The following LINGO2 variants were observed in gnomAD, a reference collection of about 807,000 sequenced individuals.
The protein encoded by LINGO2 is leucine rich repeat and Ig domain containing 2, also known as leucine-rich repeat and immunoglobulin-like domain-containing nogo receptor-interacting protein 2.
In LINGO2, 14 loss-of-function variants were observed where a neutral mutation model predicts 30.6. The observed-to-expected ratio is 0.46, with a 90% CI of 0.30 to 0.72. LINGO2 has a LOEUF of 0.72. LINGO2 is among the 30% of genes least tolerant of loss of function. LINGO2 has a pLI of 0.07. For missense variants in LINGO2, 729 were observed against 751.7 expected (o/e 0.97, Z 0.35); for synonymous variants, 317 against 288.5 (o/e 1.10, Z -1.00).
At chr9:28,026,783 T>C (rs1180929288) in intron 4 of LINGO2, among the ~76,000 whole-genome samples, 2 of 152,254 alleles carry the variant, frequency 1.3e-5, no homozygotes, top group Admixed American at 6.5e-5. Context: ...CCTTATTCTC[T>C]TGGCTACCAT....
chr9:28,745,065 A>C, the LINGO2 span, among the ~76,000 whole-genome samples: 1 of 152,016 alleles, frequency 6.6e-6, no homozygotes, highest in Non-Finnish European at 1.5e-5. Context: ...ATGTATGTTT[A>C]TTTATCCTTG....
intron 1 of LINGO2, among the ~76,000 whole-genome samples, chr9:28,590,493 C>T (rs576061673): frequency 7.9e-5 from 12 of 151,728 alleles, no homozygotes; most frequent in East Asian, 1.9e-4. Flanking sequence ...AAAAAGTGGG[C>T]GAAGGATATG....
chr9:28,528,699 C>A (rs984305821), intron 1 of LINGO2, among the ~76,000 whole-genome samples: 2 of 152,014 alleles, frequency 1.3e-5, no homozygotes, highest in Non-Finnish European at 2.9e-5. Flanking sequence ...TTTGTCCTTA[C>A]TATCTACTAA....
At chr9:28,039,891 C>A (rs1390423589) in intron 4 of LINGO2, among the ~76,000 whole-genome samples, 1 of 152,150 alleles carries the variant, frequency 6.6e-6, no homozygotes. Flanking sequence ...GACCCACCCC[C>A]TTGTGAGATA....
the LINGO2 span, among the ~76,000 whole-genome samples, chr9:28,951,811 T>A: frequency 6.6e-6 from 1 of 152,092 alleles, no homozygotes; most frequent in Non-Finnish European, 1.5e-5. Flanking sequence ...TTTTTCCTCT[T>A]CCAGCTCTCC....
At chr9:28,639,804 C>A (rs545796420) in intron 1 of LINGO2, among the ~76,000 whole-genome samples, 2 of 152,238 alleles carry the variant, frequency 1.3e-5, no homozygotes, top group East Asian at 1.9e-4. Flanking sequence ...TTAATTGGAG[C>A]ATTTAGCCTA....
intron 2 of LINGO2, among the ~76,000 whole-genome samples, chr9:28,446,568 A>G (rs758900285): frequency 6.6e-6 from 1 of 152,054 alleles, no homozygotes; most frequent in African/African-American, 2.4e-5. Context: ...TATAATTTCT[A>G]TTTCCTAAAC....
intron 4 of LINGO2, among the ~76,000 whole-genome samples, chr9:28,061,229 A>T (rs773592784): frequency 1.3e-5 from 2 of 149,600 alleles, no homozygotes; most frequent in Non-Finnish European, 3.0e-5. Context: ...AAATAATCTA[A>T]ATCCTGACTA....
chr9:28,993,819 C>G, the LINGO2 span, among the ~76,000 whole-genome samples: 22 of 152,028 alleles, frequency 1.4e-4, no homozygotes, highest in Non-Finnish European at 2.8e-4. Flanking sequence ...ATTCAACAAC[C>G]CTGCATGCTA....
chr9:28,347,844 G>A (rs147522073), intron 3 of LINGO2, among the ~76,000 whole-genome samples: 29 of 152,270 alleles, frequency 1.9e-4, no homozygotes, highest in African/African-American at 6.7e-4. Context: ...TGCCCTGAGT[G>A]CTGAGTACTA....
At chr9:29,177,364 T>C in the LINGO2 span, among the ~76,000 whole-genome samples, 1 of 152,232 alleles carries the variant, frequency 6.6e-6, no homozygotes, top group Non-Finnish European at 1.5e-5. Context: ...GAGAAGTTAA[T>C]GTGCTTTTCA....
chr9:28,497,421 A>ACAAGC (rs1819678312), intron 1 of LINGO2, among the ~76,000 whole-genome samples: 1 of 152,124 alleles, frequency 6.6e-6, no homozygotes, highest in African/African-American at 2.4e-5. Context: ...ATCTTGAATC[A>ACAAGC]CTGATACCCT....
At chr9:29,019,181 A>T in the LINGO2 span, among the ~76,000 whole-genome samples, 1 of 152,174 alleles carries the variant, frequency 6.6e-6, no homozygotes, top group Non-Finnish European at 1.5e-5. Context: ...TTGAGAAGAA[A>T]AGGTACACCA....
chr9:28,871,108 T>C, the LINGO2 span, among the ~76,000 whole-genome samples: 1 of 151,878 alleles, frequency 6.6e-6, no homozygotes, highest in Non-Finnish European at 1.5e-5. Flanking sequence ...GAATTAAAAG[T>C]GGGAACCAAT....
chr9:28,601,829 T>A (rs753511540), intron 1 of LINGO2, among the ~76,000 whole-genome samples: 2 of 151,920 alleles, frequency 1.3e-5, no homozygotes, highest in Non-Finnish European at 2.9e-5. Context: ...CTGCAGCAGG[T>A]CAGAACTAGC....
intron 4 of LINGO2, among the ~76,000 whole-genome samples, chr9:28,221,547 A>G (rs1475652775): frequency 6.6e-6 from 1 of 152,158 alleles, no homozygotes; most frequent in African/African-American, 2.4e-5. Context: ...GGTGGTTCAT[A>G]AATAATCAGG....
In LINGO2 at chr9:28,363,624, C is replaced by A. The variant is rs78546630; in HGVS notation, c.-246+9212G>T. 4.0e-3 allele frequency among the ~76,000 whole-genome samples: 613 copies of A among 152,250 alleles called. 5 individuals carry two copies. Among genetic ancestry groups the A allele is most frequent in the African/African-American group, 0.014 (591 of 41,548 alleles). On this transcript the variant is annotated intron_variant, in intron 3 of 5. Transcript: ENST00000379992. ...TTTGACAAGCTCACAAATTAATCAT[C>A]CCCACCAATCAGCGGAGTCACTATC...
At chr9:28,589,997 G>C (rs564124764) in intron 1 of LINGO2, among the ~76,000 whole-genome samples, 11 of 152,198 alleles carry the variant, frequency 7.2e-5, no homozygotes, top group African/African-American at 2.4e-4. Flanking sequence ...CAGAGATAAT[G>C]CTGCATATCT....
intron 4 of LINGO2, among the ~76,000 whole-genome samples, chr9:28,270,136 G>A (rs1822889162): frequency 6.6e-6 from 1 of 152,126 alleles, no homozygotes; most frequent in South Asian, 2.1e-4. Flanking sequence ...GTTCGGCAAA[G>A]TGACAGAAAC....
Sources: gnomAD v4.1 joint callset for allele counts (sites outside exome capture counted in the v4.1 genomes callset) on GRCh38, gnomAD v4.1.1 for gene constraint, MANE v1.5 for transcripts, NCBI Gene and HGNC (gene_info 2026-07-23, HGNC 2026-07-21) for gene names.